Variants in GPATCH8 observed in about 807,000 individuals in gnomAD.
GPATCH8 encodes G-patch domain containing 8.
In GPATCH8, 18 loss-of-function variants were observed where a neutral mutation model predicts 118.3. That is an observed-to-expected ratio of 0.15 (90% CI 0.11 to 0.23). The LOEUF (loss-of-function observed/expected upper bound fraction) is 0.23. Among genes scored for constraint, GPATCH8 ranks in the 10% least tolerant of loss-of-function variants. The pLI is 1.00. For missense variants in GPATCH8, 1,631 were observed against 1,873.8 expected, an observed-to-expected ratio of 0.87 and a Z score of 2.39; for synonymous variants, 659 against 684.7, an observed-to-expected ratio of 0.96 and a Z score of 0.59.
At chr17:44,483,252 CTTTTT>C in intron 1 of GPATCH8, among the ~76,000 whole-genome samples, 1 of 91,348 alleles carries the variant, frequency 1.1e-5, no homozygotes, top group Non-Finnish European at 2.1e-5. Flanking sequence ...ACACTCATTT[CTTTTT>C]TTTGTTTTTT....
chr17:44,462,788 C>T (rs1187514952), intron 3 of GPATCH8, among the ~76,000 whole-genome samples: 1 of 151,986 alleles, frequency 6.6e-6, no homozygotes, highest in African/African-American at 2.4e-5. Context: ...CGAGACCATC[C>T]TGGCTAACAC....
intron 1 of GPATCH8, among the ~76,000 whole-genome samples, chr17:44,481,192 C>T (rs959194882): frequency 2.0e-5 from 3 of 152,184 alleles, no homozygotes; most frequent in Non-Finnish European, 4.4e-5. Context: ...CAGGCGTGAG[C>T]CCTCCTCTGA....
chr17:44,446,824 C>G (rs1052459008), intron 3 of GPATCH8, among the ~76,000 whole-genome samples: 1 of 151,258 alleles, frequency 6.6e-6, no homozygotes, highest in Non-Finnish European at 1.5e-5. Context: ...CACTGCAACT[C>G]CTCCATTTCA....
chr17:44,481,803 A>T (rs1346009053), intron 1 of GPATCH8, among the ~76,000 whole-genome samples: 1 of 152,222 alleles, frequency 6.6e-6, no homozygotes, highest in Non-Finnish European at 1.5e-5. Flanking sequence ...AGTGGCAGTT[A>T]TAAGAATCTA....
At chr17:44,453,662 C>T (rs777210035) in intron 3 of GPATCH8, among the ~76,000 whole-genome samples, 6 of 152,012 alleles carry the variant, frequency 3.9e-5, no homozygotes, top group Middle Eastern at 3.2e-3. Flanking sequence ...GTAGCTGGGA[C>T]TAAGGGTGCA....
chr17:44,435,110 T>C lies in GPATCH8; in HGVS notation c.303A>G (p.Leu101=). 6.5e-7 allele frequency: 1 copy of C among 1,535,340 alleles called. No individual in the cohort carries two copies. Among genetic ancestry groups the C allele is most frequent in the Non-Finnish European group, 9.0e-7 (1 of 1,108,116 alleles). The change falls in exon 5 of 8, where the codon CTA becomes CTG. Residue 101 remains leucine (L), a synonymous_variant. Coordinates refer to ENST00000591680, the MANE Select transcript of GPATCH8 (RefSeq NM_001002909.4). ...CTTCTGTGTCTTCTTTTTCTACTTC[T>C]AGGACACGGCGCCGTTCGGTAGCAT... is the stretch of plus-strand genomic sequence containing the variant. The part of the protein sequence containing the change: ...AEDATERRRV[L]EVEKEDTEEL...
chr17:44,501,087 C>T (rs961134585), intron 1 of GPATCH8, among the ~76,000 whole-genome samples: 1 of 151,918 alleles, frequency 6.6e-6, no homozygotes, highest in Non-Finnish European at 1.5e-5. Flanking sequence ...TTCCCAATAC[C>T]CTATTTACCC....
intron 6 of GPATCH8, among the ~76,000 whole-genome samples, chr17:44,409,609 G>A (rs1344151124): frequency 6.6e-6 from 1 of 152,198 alleles, no homozygotes; most frequent in Non-Finnish European, 1.5e-5. Context: ...AAGCATCGGA[G>A]TCAGAAAGCT....
intron 5 of GPATCH8, among the ~76,000 whole-genome samples, chr17:44,429,791 G>C (rs1215521857): frequency 6.6e-6 from 1 of 151,876 alleles, no homozygotes; most frequent in Non-Finnish European, 1.5e-5. Context: ...TTGAACTCAG[G>C]AGGTGAAGGC....
At chr17:44,471,328 A>G (rs115493242) in intron 2 of GPATCH8, among the ~76,000 whole-genome samples, 282 of 152,360 alleles carry the variant, frequency 1.9e-3, no homozygotes, top group African/African-American at 6.4e-3. Context: ...ATAATACATT[A>G]TTGCATCTTC....
rs1567920955 is a variant in GPATCH8 at position 44,398,049 on chromosome 17, A to G, written c.4028T>C (p.Phe1343Ser). The change falls in exon 8 of 8, where the codon TTT becomes TCT. Residue 1343 changes from phenylalanine (F) to serine (S), a missense_variant. Transcript: ENST00000591680. The part of the protein sequence containing the change: ...QQLLAKQVKA[F>S]PASAALAPAT... ...TGGGGCCAGGGCAGCTGAGGCTGGA[A>G]AGGCCTTTACTTGCTTGGCCAGAAG... 1 of 1,613,950 alleles carries G rather than the reference A, an allele frequency of 6.2e-7. No homozygotes were observed. Among genetic ancestry groups the G allele is most frequent in the Non-Finnish European group, 8.5e-7 (1 of 1,179,868 alleles).
intron 6 of GPATCH8, among the ~76,000 whole-genome samples, chr17:44,406,498 G>GT (rs935676151): frequency 7.6e-6 from 1 of 131,924 alleles, no homozygotes; most frequent in African/African-American, 2.9e-5. Flanking sequence ...AGCTTACATG[G>GT]GGGGGGGGGG....
chr17:44,429,862 TAA>T (rs778605043), intron 5 of GPATCH8, among the ~76,000 whole-genome samples: 2 of 128,924 alleles, frequency 1.6e-5, no homozygotes. Flanking sequence ...AGACTCCGTC[TAA>T]AAAAAAAAAA....
Position 44,398,200 on chromosome 17 carries a change from A to G in GPATCH8, c.3877T>C (p.Ser1293Pro). The G allele has an allele frequency of 6.2e-7, 1 of 1,613,460 alleles. No individual in the cohort carries two copies. The change falls in exon 8 of 8, where the codon TCA becomes CCA. Residue 1293 changes from serine (S) to proline (P), a missense_variant. By Grantham distance (74) the Ser-to-Pro change is moderately conservative (BLOSUM62 -1). This residue lies in a region of GPATCH8 where 922 missense variants were observed against 879.7 expected (regional missense o/e 1.05). Coordinates refer to ENST00000591680, the MANE Select transcript of GPATCH8 (RefSeq NM_001002909.4). ...APPSGDPSIE[S>P]TDGAEDASLA... ...GAAGCATCCTCAGCCCCATCTGTTGACTCAATACTAGGATCCCCACTGGGA... is the reference window on the plus strand; with the variant it reads ...GAAGCATCCTCAGCCCCATCTGTTGGCTCAATACTAGGATCCCCACTGGGA...
intron 1 of GPATCH8, among the ~76,000 whole-genome samples, chr17:44,502,668 T>A (rs1191454586): frequency 2.6e-5 from 4 of 152,092 alleles, no homozygotes; most frequent in Non-Finnish European, 5.9e-5. Context: ...GAGATAGGAT[T>A]TGAGGTTAGG....
intron 5 of GPATCH8, among the ~76,000 whole-genome samples, chr17:44,428,478 G>A (rs974120033): frequency 1.3e-5 from 2 of 149,182 alleles, no homozygotes; most frequent in Non-Finnish European, 3.0e-5. Context: ...GGGCAACAGA[G>A]TGAGACTCCA....
In GPATCH8 at chr17:44,401,141, G is replaced by A. The variant is rs1260263346; in HGVS notation, c.936C>T (p.Leu312=). The change falls in exon 8 of 8, where the codon CTC becomes CTT. Residue 312 remains leucine (L), a synonymous_variant. Transcript: ENST00000591680. ...FSFAKKAPVK[L]ESIASVFKDH... ...CCTTGAAAACTGATGCTATTGATTC[G>A]AGTTTGACAGGAGCCTTTTTGGCAA... 1.2e-6 allele frequency: 2 copies of A among 1,613,848 alleles called. No individual in the cohort carries two copies. Among genetic ancestry groups the A allele is most frequent in the Non-Finnish European group, 8.5e-7 (1 of 1,179,946 alleles).
intron 6 of GPATCH8, among the ~76,000 whole-genome samples, chr17:44,414,715 C>T (rs561088585): frequency 5.2e-4 from 79 of 152,266 alleles, no homozygotes; most frequent in Non-Finnish European, 8.7e-4. Flanking sequence ...CCAAAAGAAA[C>T]CTCATACCCA....
intron 3 of GPATCH8, chr17:44,438,837 C>A (rs939473319): frequency 6.6e-6 from 1 of 152,338 alleles, no homozygotes; most frequent in Non-Finnish European, 1.5e-5. Context: ...CAATCTCAGC[C>A]GGGGACAGAG....
Sources: gnomAD v4.1 joint callset for allele counts (sites outside exome capture counted in the v4.1 genomes callset) on GRCh38, gnomAD v4.1.1 for gene constraint, gnomAD v4.1.1 regional missense constraint, MANE v1.5 for transcripts, NCBI Gene and HGNC (gene_info 2026-07-23, HGNC 2026-07-21) for gene names.